The following ZNF423 variants were observed in gnomAD, a reference collection of about 807,000 sequenced individuals.
The protein encoded by ZNF423 is Ebf-associated zinc finger protein.
ZNF423 carries 12 observed loss-of-function variants against 95.8 expected under a neutral mutation model. That is an observed-to-expected ratio of 0.13 (90% CI 0.08 to 0.20). The LOEUF is 0.20. Among genes scored for constraint, ZNF423 ranks in the 10% least tolerant of loss-of-function variants. ZNF423 has a pLI of 1.00. For synonymous variants in ZNF423, 749 were observed against 711.9 expected, an observed-to-expected ratio of 1.05 and a Z score of -0.83; for missense variants, 1,316 against 1,737.1, an observed-to-expected ratio of 0.76 and a Z score of 4.31.
At chr16:49,579,991 C>T (rs1393957212) in intron 5 of ZNF423, among the ~76,000 whole-genome samples, 2 of 152,204 alleles carry the variant, frequency 1.3e-5, no homozygotes, top group African/African-American at 4.8e-5. Flanking sequence ...CATCTCCAGC[C>T]AGTACAGCAG....
In ZNF423 at chr16:49,628,228, C is replaced by T. The variant is rs139249637; in HGVS notation, c.3517-1974G>A. 3.3e-3 allele frequency among the ~76,000 whole-genome samples: 498 copies of T among 149,832 alleles called. 4 individuals are homozygous for T. The highest frequency in any genetic ancestry group is 0.012 in the African/African-American group (482 of 40,704). On this transcript the variant is annotated intron_variant, in intron 4 of 7. Coordinates refer to ENST00000563137, the MANE Select transcript of ZNF423 (RefSeq NM_001379286.1). ...ATCTACCCACCCATTTATCTACATA[C>T]TCACACACCCATCCACCCATACTCC...
intron 5 of ZNF423, among the ~76,000 whole-genome samples, chr16:49,615,592 C>T (rs906773668): frequency 1.8e-4 from 28 of 152,188 alleles, no homozygotes; most frequent in Middle Eastern, 3.4e-3. Context: ...AGCTGGGAGG[C>T]CTGAAGTCCC....
chr16:49,563,409 C>T (rs1452071700), intron 5 of ZNF423, among the ~76,000 whole-genome samples: 3 of 152,188 alleles, frequency 2.0e-5, no homozygotes, highest in Admixed American at 1.3e-4. Flanking sequence ...GCTTCTTCTA[C>T]AGCCTGTAGA....
At position 49,698,582 on chromosome 16, in the gene ZNF423, G is replaced by T. The variant is rs116066335; in HGVS notation, c.301+32189C>A. On this transcript the variant is annotated intron_variant, in intron 3 of 7. Coordinates refer to ENST00000563137, the MANE Select transcript of ZNF423 (RefSeq NM_001379286.1). ...CAGCCTCTCCCAGTCAGTCTGGCCC[G>T]CCACAGCTGTTCCAGGCCCTCAGCC... is the stretch of plus-strand genomic sequence containing the variant. 5.3e-3 allele frequency among the ~76,000 whole-genome samples: 800 copies of T among 152,280 alleles called. 10 individuals are homozygous for T. Among genetic ancestry groups the T allele is most frequent in the African/African-American group, 0.019 (772 of 41,558 alleles).
intron 7 of ZNF423, among the ~76,000 whole-genome samples, chr16:49,508,835 T>A (rs1316115520): frequency 1.3e-5 from 2 of 152,138 alleles, no homozygotes; most frequent in African/African-American, 4.8e-5. Context: ...AACGCTGTAT[T>A]TTATTTACCC....
At chr16:49,518,209 T>C (rs922704860) in intron 7 of ZNF423, 9 of 379,136 alleles carry the variant, frequency 2.4e-5, no homozygotes, top group African/African-American at 1.9e-4. Context: ...CATGCACTTG[T>C]AGCTTCTGCA....
intron 5 of ZNF423, among the ~76,000 whole-genome samples, chr16:49,585,368 T>C (rs12599722): frequency 0.37 from 55,599 of 151,900 alleles, 10,613 homozygotes; most frequent in East Asian, 0.56. Flanking sequence ...CAAGGTCCCC[T>C]CAAGTCCCAC....
rs571439840 is a variant in ZNF423, at chr16:49,659,752, C to A, written c.302-20878G>T. Among the ~76,000 whole-genome samples, 3 of 152,342 alleles carry A rather than the reference C, an allele frequency of 2.0e-5. No homozygotes were observed. In the South Asian group the frequency reaches 6.2e-4, roughly 32 times the overall value. ...GTGCCCACCGCTGCAGGCACTGGTACCCTCCTCATAGAGGGGTCTGGGAAG... is the reference window on the plus strand; with the variant it reads ...GTGCCCACCGCTGCAGGCACTGGTAACCTCCTCATAGAGGGGTCTGGGAAG... On this transcript the variant is annotated intron_variant, in intron 3 of 7. Transcript: ENST00000563137.
At position 49,828,389 on chromosome 16, in the gene ZNF423, T is replaced by C. The variant is rs113129615; in HGVS notation, c.40+27346A>G. 2.4e-3 allele frequency among the ~76,000 whole-genome samples: 372 copies of C among 152,386 alleles called. 2 individuals are homozygous for C. The highest frequency in any genetic ancestry group is 7.2e-3 in the African/African-American group (300 of 41,594). ...CCCCATGTAACTTGTGATGGCTTTA[T>C]GCGAGCAGTTAATTAGAATTACACA... On this transcript the variant is annotated intron_variant, in intron 1 of 7. Transcript: ENST00000563137.
At position 49,491,177 on chromosome 16, in the gene ZNF423, T is replaced by C. The variant is rs1326683799; in HGVS notation, c.*98A>G. ...AAATCATTAGAGTTTTACATCTGGG[T>C]TGCAAATGACACTTTGATTGGATGT... On this transcript the variant is annotated 3_prime_UTR_variant, in exon 8 of 8. Transcript: ENST00000563137. 2 of 1,442,970 alleles carry C rather than the reference T, an allele frequency of 1.4e-6. No individual in the cohort carries two copies. Among genetic ancestry groups the C allele is most frequent in the Non-Finnish European group, 1.9e-6 (2 of 1,025,908 alleles). 89.4% of individuals were successfully genotyped at this position (1,442,970 alleles called of 1,614,324 possible).
chr16:49,657,639 A>G (rs143252866), intron 3 of ZNF423, among the ~76,000 whole-genome samples: 2 of 152,304 alleles, frequency 1.3e-5, no homozygotes, highest in African/African-American at 4.8e-5. Flanking sequence ...GCAGACACGA[A>G]GGTTTTGGCA....
At chr16:49,833,305 G>A (rs538187560) in intron 1 of ZNF423, among the ~76,000 whole-genome samples, 13 of 152,314 alleles carry the variant, frequency 8.5e-5, no homozygotes, top group African/African-American at 2.9e-4. Flanking sequence ...ATGGATTTAC[G>A]TGCGAGAGCA....
intron 5 of ZNF423, among the ~76,000 whole-genome samples, chr16:49,611,916 A>G (rs1289951291): frequency 6.6e-6 from 1 of 152,074 alleles, no homozygotes; most frequent in Non-Finnish European, 1.5e-5. Flanking sequence ...CTCAAAAAAT[A>G]CAAACTACCA....
At chr16:49,580,734 GC>G (rs1342597505) in intron 5 of ZNF423, among the ~76,000 whole-genome samples, 11 of 152,156 alleles carry the variant, frequency 7.2e-5, no homozygotes, top group African/African-American at 2.2e-4. Flanking sequence ...CCCCGAGAAG[GC>G]CCCAGAGATT....
chr16:49,677,766 AAAAG>A (rs1249854495), intron 3 of ZNF423, among the ~76,000 whole-genome samples: 19 of 147,124 alleles, frequency 1.3e-4, no homozygotes, highest in Non-Finnish European at 2.1e-4. Flanking sequence ...AAAAAAAAAA[AAAAG>A]AGAGAGAGAG....
chr16:49,854,816 A>G, intron 1 of ZNF423: 1 of 985,288 alleles, frequency 1.0e-6, no homozygotes, highest in Non-Finnish European at 1.2e-6. Context: ...CAAAGCGTGG[A>G]GACGAAGGGA....
At chr16:49,628,645 C>T (rs1453802023) in intron 4 of ZNF423, among the ~76,000 whole-genome samples, 3 of 152,208 alleles carry the variant, frequency 2.0e-5, no homozygotes, top group Non-Finnish European at 2.9e-5. Context: ...GAGCAGGGGA[C>T]ACTGTTCCTG....
intron 7 of ZNF423, among the ~76,000 whole-genome samples, chr16:49,504,699 C>T (rs1470160783): frequency 6.6e-6 from 1 of 152,162 alleles, no homozygotes; most frequent in Non-Finnish European, 1.5e-5. Context: ...TCATAGCAGC[C>T]CGAGACATCC....
At chr16:49,596,346 A>T (rs1027180247) in intron 5 of ZNF423, among the ~76,000 whole-genome samples, 4 of 152,184 alleles carry the variant, frequency 2.6e-5, no homozygotes, top group African/African-American at 9.7e-5. Flanking sequence ...TCAGCCCTGG[A>T]CAGCCGGAGT....
Sources: gnomAD v4.1 joint callset for allele counts (sites outside exome capture counted in the v4.1 genomes callset) on GRCh38, gnomAD v4.1.1 for gene constraint, MANE v1.5 for transcripts, NCBI Gene and HGNC (gene_info 2026-07-23, HGNC 2026-07-21) for gene names.